Variants in MTSS1 observed in about 807,000 individuals in gnomAD.
MTSS1 encodes protein MTSS 1.
A neutral mutation model predicts 79.0 loss-of-function variants in MTSS1; 18 were observed. The ratio of observed to expected loss-of-function variants is 0.23; its 90% CI spans 0.16 to 0.34. The LOEUF (loss-of-function observed/expected upper bound fraction) is 0.34, where lower values mean the gene tolerates loss of function less well. MTSS1 is among the 10% of genes least tolerant of loss of function. The pLI, the probability that MTSS1 is intolerant of heterozygous loss-of-function variation, is 1.00. For synonymous variants in MTSS1, 341 were observed against 368.6 expected, an observed-to-expected ratio of 0.93 and a Z score of 0.86; for missense variants, 815 against 986.2, an observed-to-expected ratio of 0.83 and a Z score of 2.33.
In MTSS1 at chr8:124,697,996, A is replaced by C. The variant is rs76225556; in HGVS notation, c.208+1530T>G. 356 of 152,326 alleles carry C rather than the reference A, an allele frequency of 2.3e-3. 3 individuals carry two copies. The highest frequency in any genetic ancestry group is 8.3e-3 in the African/African-American group (344 of 41,558). The allele number at this position is 152,326 out of a possible 1,614,324, so 9.4% of individuals were successfully genotyped here. A position where few individuals can be genotyped will look rare whatever the true frequency, so the allele number is the denominator to read the frequency against. On this transcript the variant is annotated intron_variant, in intron 3 of 13. Transcript: ENST00000518547. Reference sequence around the variant, plus strand: ...ATTGCTCACTTTTCTATATTCCCCTAGCACTTTGTTCTACAACTATTACCA... The same window carrying C: ...ATTGCTCACTTTTCTATATTCCCCTCGCACTTTGTTCTACAACTATTACCA...
intron 1 of MTSS1, among the ~76,000 whole-genome samples, chr8:124,720,903 T>C (rs1007190621): frequency 2.6e-5 from 4 of 152,216 alleles, no homozygotes; most frequent in African/African-American, 9.6e-5. Flanking sequence ...ACAACTCTTA[T>C]CAGGTTCATC....
intron 3 of MTSS1, among the ~76,000 whole-genome samples, chr8:124,647,869 A>G (rs1477873588): frequency 6.6e-6 from 1 of 152,218 alleles, no homozygotes; most frequent in African/African-American, 2.4e-5. Context: ...GAACCTCTGG[A>G]GCCACCTACA....
At chr8:124,640,288 T>C (rs1167498912) in intron 3 of MTSS1, among the ~76,000 whole-genome samples, 1 of 152,214 alleles carries the variant, frequency 6.6e-6, no homozygotes, top group Non-Finnish European at 1.5e-5. Flanking sequence ...GTTCGATTAT[T>C]TTAAAAAGTC....
Position 124,584,873 on chromosome 8 carries a change from G to A in MTSS1, c.460+214C>T, listed in dbSNP as rs564763076. Among the ~76,000 whole-genome samples, 14 of 152,286 alleles carry A rather than the reference G, an allele frequency of 9.2e-5. No homozygotes were observed. The East Asian group carries it at 2.7e-3, about 29-fold the overall frequency. On this transcript the variant is annotated intron_variant, in intron 6 of 13. Transcript: ENST00000518547. ...GTCAAACTTGGAAGACAAAGGTGGG[G>A]GAAGGAACACGTCAAGTACCACTTG...
intron 3 of MTSS1, among the ~76,000 whole-genome samples, chr8:124,601,883 T>C (rs1833883407): frequency 6.6e-6 from 1 of 152,158 alleles, no homozygotes; most frequent in African/African-American, 2.4e-5. Flanking sequence ...ATTTTTTTAT[T>C]TTATAAGGTG....
intron 9 of MTSS1, 78 bp from the exon 10 acceptor site, chr8:124,563,070 G>A (rs1825687602): frequency 2.4e-6 from 3 of 1,249,710 alleles, no homozygotes; most frequent in East Asian, 2.5e-5. Context: ...AAGGAGGAAG[G>A]AGGGGAACAG....
Position 124,565,740 on chromosome 8 carries a change from C to T in MTSS1, c.746G>A (p.Gly249Asp). ...SSEQVILDLK[G>D]SDYSWSYQTP... is the part of the protein sequence containing the mutation. ...CTGATACGACCAGCTGTAATCAGAA[C>T]CTTTCAAGTCCAGAATCACCTAAGG... The change falls in exon 9 of 14, where the codon GGT becomes GAT. Residue 249 changes from glycine (G) to aspartate (D), a missense_variant. Gly to Asp is a moderately conservative substitution (Grantham distance 94). Coordinates refer to ENST00000518547, the MANE Select transcript of MTSS1 (RefSeq NM_014751.6). 1.2e-6 allele frequency: 2 copies of T among 1,613,856 alleles called. No individual in the cohort carries two copies. Among genetic ancestry groups the T allele is most frequent in the Non-Finnish European group, 1.7e-6 (2 of 1,179,932 alleles).
intron 6 of MTSS1, among the ~76,000 whole-genome samples, chr8:124,580,896 C>T (rs538559700): frequency 8.5e-5 from 13 of 152,122 alleles, no homozygotes; most frequent in Admixed American, 5.9e-4. Flanking sequence ...GAAAACCTTT[C>T]GAGTGTCATT....
At chr8:124,589,988 C>G (rs1325902675) in intron 4 of MTSS1, among the ~76,000 whole-genome samples, 1 of 152,198 alleles carries the variant, frequency 6.6e-6, no homozygotes, top group East Asian at 1.9e-4. Context: ...TCCCAGGTAG[C>G]TGGGACTACA....
At chr8:124,678,866 G>A (rs186391309) in intron 3 of MTSS1, among the ~76,000 whole-genome samples, 15 of 152,314 alleles carry the variant, frequency 9.8e-5, no homozygotes, top group Admixed American at 2.0e-4. Flanking sequence ...AGACCAATTC[G>A]TTAGCTATTT....
At chr8:124,568,902 A>G (rs933046248) in intron 6 of MTSS1, 1 of 1,372,894 alleles carries the variant, frequency 7.3e-7, no homozygotes, top group Non-Finnish European at 9.4e-7. Context: ...AGGCTAAGAG[A>G]TGTGGAAACA....
chr8:124,707,442 G>T (rs1190926727), intron 1 of MTSS1, among the ~76,000 whole-genome samples: 2 of 151,750 alleles, frequency 1.3e-5, no homozygotes, highest in Non-Finnish European at 2.9e-5. Context: ...ACCAGGCCAG[G>T]CACGGTAGCT....
Position 124,639,557 on chromosome 8 carries a change from G to A in MTSS1, c.209-48322C>T, listed in dbSNP as rs73343937. 7.5e-3 allele frequency among the ~76,000 whole-genome samples: 1,135 copies of A among 151,888 alleles called. 13 individuals carry two copies. The highest frequency in any genetic ancestry group is 0.026 in the African/African-American group (1,088 of 41,408). ...AGTAGCACTATCTTGGCTCACTCCC[G>A]TATTCAAGTGATTCTCGTGCCTCAG... On this transcript the variant is annotated intron_variant, in intron 3 of 13. Coordinates refer to ENST00000518547, the MANE Select transcript of MTSS1 (RefSeq NM_014751.6).
chr8:124,553,331 G>T lies in MTSS1; in HGVS notation c.1929C>A (p.His643Gln), dbSNP rs768990469. 1.2e-6 allele frequency: 2 copies of T among 1,613,852 alleles called. No homozygotes were observed. The highest frequency in any genetic ancestry group is 1.7e-6 in the Non-Finnish European group (2 of 1,179,776). ...PPDGPEERGE[H>Q]SPESPSVGEG... ...CACCCACAGATGGCGACTCAGGGCT[G>T]TGCTCCCCCCGCTCTTCTGGCCCAT... is the stretch of plus-strand genomic sequence containing the variant. Residue 643 changes from histidine (H) to glutamine (Q), a missense_variant, in exon 14 of 14, where the codon CAC (histidine) becomes CAA (glutamine). By Grantham distance (24) the His-to-Gln change is conservative. Around this residue, in one of 2 missense-constraint regions of MTSS1, gnomAD observed 590 missense variants for 620.8 expected, o/e 0.95. Transcript: ENST00000518547. The surrounding 1 kb of genome is among the most constrained non-coding windows in gnomAD (Gnocchi z 6.0).
At chr8:124,614,163 CAAAAAA>C (rs3050528) in intron 3 of MTSS1, among the ~76,000 whole-genome samples, 5 of 92,432 alleles carry the variant, frequency 5.4e-5, no homozygotes, top group Admixed American at 1.2e-4. Flanking sequence ...ATACCTGCCT[CAAAAAA>C]AAAAAAAAAA....
At position 124,683,292 on chromosome 8, in the gene MTSS1, C is replaced by A. The variant is rs1209731097; in HGVS notation, c.208+16234G>T. On this transcript the variant is annotated intron_variant, in intron 3 of 13. Transcript: ENST00000518547. The surrounding 1 kb of genome is among the most constrained non-coding windows in gnomAD (Gnocchi z 4.5). ...TTAAAAAATGGAAGAAAAACAATGA[C>A]CCCAAAATCCTCATTCAAGGAATTG... Among the ~76,000 whole-genome samples the A allele has an allele frequency of 2.0e-5, 3 of 152,096 alleles. No homozygotes were observed. Among genetic ancestry groups the A allele is most frequent in the African/African-American group, 7.2e-5 (3 of 41,388 alleles).
intron 2 of MTSS1, among the ~76,000 whole-genome samples, chr8:124,701,065 C>T (rs1829625179): frequency 6.6e-6 from 1 of 152,032 alleles, no homozygotes; most frequent in Non-Finnish European, 1.5e-5. Flanking sequence ...CCATTCTCTA[C>T]ACACAAAAAA....
In MTSS1 at chr8:124,727,822, AAGCGCGGCGGCGAGGTCAG is replaced by A. The variant is rs998616829; in HGVS notation, c.72+43_72+61del. ...GGGTGCCCGGCCCGGGGTGGAGGCG[AAGCGCGGCGGCGAGGTCAG>A]AGCGCGGCGGCCGGCGCCGCAGCCG... On this transcript the variant is annotated intron_variant, in intron 1 of 13. Coordinates refer to ENST00000518547, the MANE Select transcript of MTSS1 (RefSeq NM_014751.6). The surrounding 1 kb of genome is among the most constrained non-coding windows in gnomAD (Gnocchi z 4.7). 7.7e-6 allele frequency: 11 copies of A among 1,421,938 alleles called. No individual in the cohort carries two copies. The highest frequency in any genetic ancestry group is 6.0e-5 in the African/African-American group (4 of 66,722). The allele number at this position is 1,421,938 out of a possible 1,614,324, so 88.1% of individuals were successfully genotyped here. A position where few individuals can be genotyped will look rare whatever the true frequency, so the allele number is the denominator to read the frequency against.
chr8:124,555,380 G>A (rs1823400279), intron 13 of MTSS1, among the ~76,000 whole-genome samples: 1 of 152,130 alleles, frequency 6.6e-6, no homozygotes, highest in Non-Finnish European at 1.5e-5. Flanking sequence ...TGAGTAGCTG[G>A]GACTACAGGC....
Sources: allele counts gnomAD v4.1 joint callset (sites outside exome capture counted in the v4.1 genomes callset), GRCh38; gene constraint gnomAD v4.1.1; regional missense constraint gnomAD v4.1.1; non-coding constraint Gnocchi (gnomAD v3.1); transcripts MANE v1.5; gene names NCBI Gene and HGNC (gene_info 2026-07-23, HGNC 2026-07-21).